ADGRG4: variants seen among roughly 807,000 people sequenced by gnomAD.
ADGRG4 encodes G protein-coupled receptor 112.
Under a neutral mutation model 126.2 loss-of-function variants are expected in ADGRG4, and 122 were observed. The observed-to-expected ratio is 0.97, with a 90% CI of 0.83 to 1.12. The LOEUF (loss-of-function observed/expected upper bound fraction) is 1.12. Among genes scored for constraint, ADGRG4 ranks in the 50% most tolerant of loss-of-function variants. ADGRG4 has a pLI of 0.00. For synonymous variants in ADGRG4, 943 were observed against 838.7 expected, an observed-to-expected ratio of 1.12 and a Z score of -2.15; for missense variants, 2,481 against 2,251.8, an observed-to-expected ratio of 1.10 and a Z score of -2.06.
chrX:136,346,693 CT>C lies in ADGRG4; in HGVS notation c.2988del (p.Pro997HisfsTer63). The C allele has an allele frequency of 8.3e-7, 1 of 1,210,792 alleles. No individual in the cohort carries two copies. The highest frequency in any genetic ancestry group is 1.1e-6 in the Non-Finnish European group (1 of 894,972). On this transcript the variant is annotated frameshift_variant, in exon 6 of 26. Transcript: ENST00000394143. LOFTEE classifies it high-confidence loss of function. ...ACGTCCTTGTCTGATGGTATCTTAC[CT>C]CCACAGCCTACAGCTGCTCATTCCT... ...TATSLSDGIL[P>X]PQPTAAHSSA... is the part of the protein sequence containing the mutation.
At chrX:136,326,167 T>C (rs2074871861) in intron 5 of ADGRG4, among the ~76,000 whole-genome samples, 1 of 112,575 alleles carries the variant, frequency 8.9e-6, no homozygotes, top group Non-Finnish European at 1.9e-5. Context: ...TCTCTTCAAG[T>C]GTTCTTTCCA....
rs147401226 is a variant in ADGRG4, at chrX:136,416,704, A to G, written c.*213A>G. ...ATAAAAAGCAAAACAAAAATCCCAA[A>G]ATGAATTCCATTCACAAACAGAATT... On this transcript the variant is annotated 3_prime_UTR_variant, in exon 26 of 26. Transcript: ENST00000394143. 5,121 of 293,527 alleles carry G rather than the reference A, an allele frequency of 0.017. 52 individuals carry two copies. Among genetic ancestry groups the G allele is most frequent in the Non-Finnish European group, 0.021 (3,532 of 168,725 alleles). 24.2% of individuals were successfully genotyped at this position (293,527 alleles called of 1,213,427 possible).
In ADGRG4 at chrX:136,329,671, ATT is replaced by A. The variant is rs375937070; in HGVS notation, c.685+6294_685+6295del. Among the ~76,000 whole-genome samples the A allele has an allele frequency of 4.5e-3, 425 of 93,688 alleles. 2 individuals carry two copies. The highest frequency in any genetic ancestry group is 0.02 in the South Asian group (36 of 1,833). 81.4% of individuals were successfully genotyped at this position (93,688 alleles called of 115,157 possible). ...AGCACAGTACTGGCTTTTGCATTTG[ATT>A]TTTTTTTTTTTTTTGAGATAAGGTC... On this transcript the variant is annotated intron_variant, in intron 5 of 25. Transcript: ENST00000394143.
chrX:136,374,456 G>A (rs184761443), intron 15 of ADGRG4, among the ~76,000 whole-genome samples: 119 of 110,698 alleles, frequency 1.1e-3, no homozygotes, highest in African/African-American at 3.4e-3. Context: ...TTGAGATGGA[G>A]TCTCACTCTG....
At chrX:136,383,034 A>G (rs1302887117) in intron 15 of ADGRG4, among the ~76,000 whole-genome samples, 4 of 106,176 alleles carry the variant, frequency 3.8e-5, no homozygotes, top group African/African-American at 1.2e-4. Context: ...TGGCTATGGG[A>G]AAAAAAGTAC....
In ADGRG4 at chrX:136,347,675, C is replaced by T; in HGVS notation, c.3969C>T (p.Pro1323=). ...CTTCAGAGATTCCACTTGGGACTCCCTCTGATGGAAATTTGGCTTCATCTC... is the reference window on the plus strand; with the variant it reads ...CTTCAGAGATTCCACTTGGGACTCCTTCTGATGGAAATTTGGCTTCATCTC... ...HSPSEIPLGT[P]SDGNLASSPT... The change falls in exon 6 of 26, where the codon CCC becomes CCT. Residue 1323 remains proline, a synonymous_variant. Coordinates refer to ENST00000394143, the MANE Select transcript of ADGRG4 (RefSeq NM_153834.4). 8.3e-7 allele frequency: 1 copy of T among 1,210,805 alleles called. No homozygotes were observed. Among genetic ancestry groups the T allele is most frequent in the Non-Finnish European group, 1.1e-6 (1 of 894,742 alleles).
chrX:136,371,121 T>A (rs376273648), intron 13 of ADGRG4, among the ~76,000 whole-genome samples: 3 of 112,140 alleles, frequency 2.7e-5, no homozygotes, highest in African/African-American at 9.7e-5. Flanking sequence ...GAATGAAAAC[T>A]TTTTATGAAT....
At chrX:136,329,121 C>T (rs994912605) in intron 5 of ADGRG4, among the ~76,000 whole-genome samples, 2 of 111,449 alleles carry the variant, frequency 1.8e-5, no homozygotes, top group African/African-American at 6.5e-5. Context: ...CTGTCTGTGG[C>T]AGTTTCTGGT....
chrX:136,312,689 A>G (rs2074780350), intron 4 of ADGRG4, among the ~76,000 whole-genome samples: 1 of 112,085 alleles, frequency 8.9e-6, no homozygotes, highest in African/African-American at 3.2e-5. Flanking sequence ...CATACCATAC[A>G]GTTCACCCAT....
chrX:136,406,457 G>C (rs1004997463), intron 23 of ADGRG4, among the ~76,000 whole-genome samples: 11 of 112,392 alleles, frequency 9.8e-5, no homozygotes, highest in African/African-American at 3.6e-4. Flanking sequence ...TTGTAGCCTT[G>C]AGTTTGCTGT....
Position 136,351,438 on chromosome X carries a change from T to C in ADGRG4, c.6728-9T>C. On this transcript the variant is annotated splice_polypyrimidine_tract_variant and intron_variant, in intron 6 of 25. Transcript: ENST00000394143. Reference sequence around the variant, plus strand: ...TGAATAAAATTAACCTCCTTATTTTTAATTACAGTTTCCTTCTACAATGTT... The same window carrying C: ...TGAATAAAATTAACCTCCTTATTTTCAATTACAGTTTCCTTCTACAATGTT... The C allele has an allele frequency of 9.6e-7, 1 of 1,037,521 alleles. No individual in the cohort carries two copies. The highest frequency in any genetic ancestry group is 1.3e-6 in the Non-Finnish European group (1 of 768,119). 85.5% of individuals were successfully genotyped at this position (1,037,521 alleles called of 1,213,427 possible).
intron 8 of ADGRG4, 86 bp from the exon 9 acceptor site, chrX:136,356,040 C>A (rs1325935255): frequency 1.6e-6 from 1 of 606,166 alleles, no homozygotes; most frequent in East Asian, 3.5e-5. Flanking sequence ...TGTTCTGCCT[C>A]AGAGTTGCCT....
intron 5 of ADGRG4, among the ~76,000 whole-genome samples, chrX:136,333,992 C>G (rs1256044742): frequency 9.0e-6 from 1 of 111,520 alleles, no homozygotes; most frequent in African/African-American, 3.3e-5. Context: ...TATTCCATAG[C>G]TTTGTACTTT....
intron 15 of ADGRG4, among the ~76,000 whole-genome samples, chrX:136,379,126 G>A (rs1167541617): frequency 3.6e-5 from 4 of 111,091 alleles, no homozygotes; most frequent in Non-Finnish European, 5.7e-5. Flanking sequence ...TTTCTTTGTG[G>A]GAAGTTTTTT....
At chrX:136,396,292 A>G (rs1021362737) in intron 19 of ADGRG4, among the ~76,000 whole-genome samples, 4 of 107,938 alleles carry the variant, frequency 3.7e-5, no homozygotes, top group Non-Finnish European at 7.7e-5. Flanking sequence ...TGAATGTGTC[A>G]TATGTTACTT....
At chrX:136,392,799 C>G in intron 17 of ADGRG4, among the ~76,000 whole-genome samples, 1 of 111,864 alleles carries the variant, frequency 8.9e-6, no homozygotes, top group Non-Finnish European at 1.9e-5. Flanking sequence ...CAACTTTAGC[C>G]TAAGTACAAG....
chrX:136,401,806 G>C (rs985251591), intron 21 of ADGRG4, among the ~76,000 whole-genome samples: 2 of 111,908 alleles, frequency 1.8e-5, no homozygotes, highest in African/African-American at 6.5e-5. Flanking sequence ...TATTCTAAGG[G>C]GGCAGGGTAC....
At chrX:136,331,454 C>A (rs927494865) in intron 5 of ADGRG4, among the ~76,000 whole-genome samples, 1 of 112,538 alleles carries the variant, frequency 8.9e-6, no homozygotes, top group African/African-American at 3.2e-5. Context: ...AAGAAACTGT[C>A]AGACTGTTTA....
intron 15 of ADGRG4, among the ~76,000 whole-genome samples, chrX:136,383,111 T>C (rs938661969): frequency 2.7e-5 from 3 of 111,814 alleles, no homozygotes; most frequent in East Asian, 2.8e-4. Context: ...TTGGTGAATG[T>C]TTCACATGGA....
Sources: allele counts gnomAD v4.1 joint callset (sites outside exome capture counted in the v4.1 genomes callset), GRCh38; gene constraint gnomAD v4.1.1; transcripts MANE v1.5; gene names NCBI Gene and HGNC (gene_info 2026-07-23, HGNC 2026-07-21).